Variants in TENM3 observed in about 807,000 individuals in gnomAD.
TENM3 encodes teneurin transmembrane protein 3, also known as teneurin-3.
TENM3 carries 63 observed loss-of-function variants against 255.1 expected under a neutral mutation model. The ratio of observed to expected loss-of-function variants is 0.25; its 90% confidence interval spans 0.20 to 0.30. TENM3 has a LOEUF of 0.30. TENM3 is among the 10% of genes least tolerant of loss of function. The probability of loss-of-function intolerance (pLI) is 1.00; values close to 1 mark genes in which losing one functional copy is unlikely to be tolerated. For missense variants in TENM3, 2,929 were observed against 3,461.1 expected, an observed-to-expected ratio of 0.85 and a Z score of 3.86; for synonymous variants, 1,306 against 1,322.3, an observed-to-expected ratio of 0.99 and a Z score of 0.27.
At chr4:182,178,777 T>C (rs950943299) in intron 1 of TENM3, among the ~76,000 whole-genome samples, 1 of 152,224 alleles carries the variant, frequency 6.6e-6, no homozygotes, top group Non-Finnish European at 1.5e-5. Context: ...CTCTGTATTT[T>C]ACCCTGGGAC....
the TENM3 span, among the ~76,000 whole-genome samples, chr4:182,100,950 A>C: frequency 2.1e-5 from 3 of 141,824 alleles, no homozygotes; most frequent in South Asian, 2.3e-4. Context: ...AGGATGAGGC[A>C]GGAGAATCCC....
the TENM3 span, among the ~76,000 whole-genome samples, chr4:181,577,148 A>AAT: frequency 1.8e-4 from 25 of 135,250 alleles, no homozygotes; most frequent in Non-Finnish European, 2.8e-4. Flanking sequence ...ATATATAATT[A>AAT]ATATATATAT....
the TENM3 span, among the ~76,000 whole-genome samples, chr4:181,871,302 T>G: frequency 2.0e-5 from 3 of 152,098 alleles, no homozygotes; most frequent in Non-Finnish European, 4.4e-5. Context: ...GAGATTTTGA[T>G]TGACATTACA....
the TENM3 span, among the ~76,000 whole-genome samples, chr4:181,776,108 C>T: frequency 6.6e-6 from 1 of 152,118 alleles, no homozygotes; most frequent in African/African-American, 2.4e-5. Context: ...TGATATCTAT[C>T]ATTCAACTTT....
At chr4:181,977,872 T>A in the TENM3 span, among the ~76,000 whole-genome samples, 1 of 152,076 alleles carries the variant, frequency 6.6e-6, no homozygotes, top group Non-Finnish European at 1.5e-5. Context: ...AGAATCAGAA[T>A]AGGATAACGT....
At chr4:182,537,632 G>A (rs1740468907) in intron 3 of TENM3, among the ~76,000 whole-genome samples, 1 of 152,024 alleles carries the variant, frequency 6.6e-6, no homozygotes, top group Admixed American at 6.5e-5. Context: ...AACGTCTTCT[G>A]CCCTTTTTCA....
chr4:181,616,055 C>T, the TENM3 span, among the ~76,000 whole-genome samples: 2 of 151,672 alleles, frequency 1.3e-5, no homozygotes, highest in East Asian at 1.9e-4. Flanking sequence ...GTTTCCCCCC[C>T]ACACTTTGGC....
chr4:181,726,992 AC>A, the TENM3 span, among the ~76,000 whole-genome samples: 1 of 152,212 alleles, frequency 6.6e-6, no homozygotes, highest in Non-Finnish European at 1.5e-5. Context: ...AGAGATGCAT[AC>A]AGAAGGGAGA....
chr4:182,195,023 TCA>T (rs70954299), intron 1 of TENM3, among the ~76,000 whole-genome samples: 17,981 of 146,786 alleles, frequency 0.12, 1,113 homozygotes, highest in African/African-American at 0.16. Flanking sequence ...ACAGTCTCTA[TCA>T]CACACACACA....
At chr4:181,912,388 A>G in the TENM3 span, among the ~76,000 whole-genome samples, 3 of 152,358 alleles carry the variant, frequency 2.0e-5, no homozygotes, top group East Asian at 3.9e-4. Context: ...TACATGTGAT[A>G]TGAGTCAATA....
In TENM3 at chr4:182,168,179, G is replaced by A. The variant is rs542434954; in HGVS notation, c.-76+23425G>A. Among the ~76,000 whole-genome samples, 18 of 151,288 alleles carry A rather than the reference G, an allele frequency of 1.2e-4. 1 individual carries two copies. Among genetic ancestry groups the A allele is most frequent in the African/African-American group, 3.9e-4 (16 of 41,244 alleles). ...AGACAGGGTCTCACTGCAACACCCA[G>A]GCCGGAGTGCAGTGGTGCAATCACG... is the stretch of plus-strand genomic sequence containing the variant. On this transcript the variant is annotated intron_variant, in intron 1 of 2. Coordinates refer to the TENM3 transcript ENST00000512480.
At chr4:182,517,501 A>T (rs1393286541) in intron 3 of TENM3, among the ~76,000 whole-genome samples, 5 of 142,290 alleles carry the variant, frequency 3.5e-5, no homozygotes, top group Non-Finnish European at 7.5e-5. Flanking sequence ...CTCCTGCCTC[A>T]GCCTCCCGAG....
At chr4:182,294,062 G>A (rs1761301216) in intron 1 of TENM3, among the ~76,000 whole-genome samples, 2 of 152,016 alleles carry the variant, frequency 1.3e-5, no homozygotes, top group South Asian at 4.1e-4. Flanking sequence ...CTCTACCAGG[G>A]AGTCGGAAGC....
chr4:182,675,666 C>A (rs183779913), intron 7 of TENM3, among the ~76,000 whole-genome samples: 1 of 152,044 alleles, frequency 6.6e-6, no homozygotes, highest in African/African-American at 2.4e-5. Context: ...CCACTGAAAC[C>A]GCATATGTGA....
At chr4:182,564,592 T>C (rs1560930933) in intron 3 of TENM3, among the ~76,000 whole-genome samples, 1 of 151,578 alleles carries the variant, frequency 6.6e-6, no homozygotes. Flanking sequence ...TTTTTTTTTT[T>C]TTTGGTCCAA....
the TENM3 span, among the ~76,000 whole-genome samples, chr4:181,962,690 T>C: frequency 2.6e-5 from 4 of 152,202 alleles, no homozygotes; most frequent in South Asian, 6.2e-4. Flanking sequence ...TACTTTCTTT[T>C]TGCCTCCAAA....
chr4:182,681,244 A>G (rs1048823151), intron 10 of TENM3, among the ~76,000 whole-genome samples: 4 of 152,202 alleles, frequency 2.6e-5, no homozygotes, highest in Non-Finnish European at 5.9e-5. Context: ...CACCATTTCC[A>G]TTCTTCAATC....
Position 182,800,412 on chromosome 4 carries a change from CGAGTGG to C in TENM3, c.*64_*69del. On this transcript the variant is annotated 3_prime_UTR_variant, in exon 28 of 28. Transcript: ENST00000511685. Reference sequence around the variant, plus strand: ...GCCCACATTGTCCTGTGGCACAACCCGAGTGGGACTCTCCAACGCCCAAGAGCCTTC... The same window carrying C: ...GCCCACATTGTCCTGTGGCACAACCCGACTCTCCAACGCCCAAGAGCCTTC... The C allele has an allele frequency of 1.0e-5, 15 of 1,480,592 alleles. No homozygotes were observed. Among genetic ancestry groups the C allele is most frequent in the Non-Finnish European group, 1.3e-5 (15 of 1,116,630 alleles). The allele number at this position is 1,480,592 out of a possible 1,614,324, so 91.7% of individuals were successfully genotyped here.
At chr4:181,591,015 T>C in the TENM3 span, among the ~76,000 whole-genome samples, 3 of 152,236 alleles carry the variant, frequency 2.0e-5, no homozygotes, top group African/African-American at 7.2e-5. Context: ...CAAGCCTGAT[T>C]ACACAGGGCA....
Sources: allele counts gnomAD v4.1 joint callset (sites outside exome capture counted in the v4.1 genomes callset), GRCh38; gene constraint gnomAD v4.1.1; transcripts MANE v1.5; gene names NCBI Gene and HGNC (gene_info 2026-07-23, HGNC 2026-07-21).